Variants in FMN1 observed in about 807,000 individuals in gnomAD.
FMN1 encodes formin 1.
A neutral mutation model predicts 132.4 loss-of-function variants in FMN1; 110 were observed. The ratio of observed to expected loss-of-function variants is 0.83; its 90% CI spans 0.71 to 0.97. The LOEUF (loss-of-function observed/expected upper bound fraction) is 0.97, where lower values mean the gene tolerates loss of function less well. FMN1 is among the 50% of genes least tolerant of loss of function. The pLI is 0.00. For synonymous variants in FMN1, 722 were observed against 651.7 expected, an observed-to-expected ratio of 1.11 and a Z score of -1.64; for missense variants, 1,792 against 1,705.3, an observed-to-expected ratio of 1.05 and a Z score of -0.90.
Position 32,911,938 on chromosome 15 carries a change from C to T in FMN1, c.3227-1403G>A, listed in dbSNP as rs2060571314. On this transcript the variant is annotated intron_variant, in intron 10 of 20. Transcript: ENST00000616417. ...AGATCACATAAATCCACTAATTTGT[C>T]AGACACAACAGGCATTTTTAAATGT... 2.6e-5 allele frequency among the ~76,000 whole-genome samples: 4 copies of T among 152,162 alleles called. No individual in the cohort carries two copies. The South Asian group carries it at 8.3e-4, about 32-fold the overall frequency.
chr15:33,067,632 A>T (rs775360278), intron 5 of FMN1: 6 of 1,613,990 alleles, frequency 3.7e-6, no homozygotes, highest in Non-Finnish European at 5.1e-6. Context: ...GAAACCCGAG[A>T]CCCTGCTTCC....
intron 7 of FMN1, among the ~76,000 whole-genome samples, chr15:33,003,918 A>G (rs1375241131): frequency 6.6e-6 from 1 of 152,192 alleles, no homozygotes; most frequent in Non-Finnish European, 1.5e-5. Flanking sequence ...ATCTTTGACA[A>G]ACCTAACAAA....
rs181183952 is a variant in FMN1, at chr15:32,852,865, A to G, written c.3928+4150T>C. Among the ~76,000 whole-genome samples the G allele has an allele frequency of 4.3e-4, 65 of 152,312 alleles. No homozygotes were observed. In the East Asian group the frequency reaches 0.01, roughly 23 times the overall value. On this transcript the variant is annotated intron_variant, in intron 17 of 20. Coordinates refer to ENST00000616417, the MANE Select transcript of FMN1 (RefSeq NM_001277313.2). ...TCAGACAAAGTTCAGATTCTTTAGC[A>G]AGTCATATTGTGACTCTTATCACCG...
chr15:32,900,160 A>C, intron 13 of FMN1, 35 bp from the exon 14 acceptor site: 2 of 1,610,952 alleles, frequency 1.2e-6, no homozygotes, highest in Non-Finnish European at 8.5e-7. Flanking sequence ...ACGGAGCTGA[A>C]CTCCAAATGC....
chr15:32,977,473 G>GA (rs1435678501), intron 7 of FMN1, among the ~76,000 whole-genome samples: 4 of 152,172 alleles, frequency 2.6e-5, no homozygotes, highest in Non-Finnish European at 5.9e-5. Flanking sequence ...CTCTCAGGTG[G>GA]AAAAAGCATT....
At chr15:33,158,072 G>A (rs955486306) in intron 3 of FMN1, among the ~76,000 whole-genome samples, 5 of 151,590 alleles carry the variant, frequency 3.3e-5, no homozygotes, top group African/African-American at 1.2e-4. Flanking sequence ...ATCAGGTAAA[G>A]TGCTGCTCCC....
At chr15:32,910,667 T>C (rs2141665132) in intron 10 of FMN1, 132 bp from the exon 11 acceptor site, 1 of 689,564 alleles carries the variant, frequency 1.5e-6, no homozygotes, top group East Asian at 2.8e-5. Flanking sequence ...GCCTCTCTGC[T>C]CCCCTTCCTT....
chr15:32,791,881 G>A (rs1427231804), intron 19 of FMN1, among the ~76,000 whole-genome samples: 1 of 152,152 alleles, frequency 6.6e-6, no homozygotes, highest in South Asian at 2.1e-4. Context: ...TGCAGATGAA[G>A]GCTGGGTATA....
intron 17 of FMN1, among the ~76,000 whole-genome samples, chr15:32,805,458 TCA>T (rs1192764367): frequency 7.2e-5 from 11 of 152,350 alleles, no homozygotes; most frequent in Non-Finnish European, 1.0e-4. Context: ...GGTTGCCTGT[TCA>T]CTCTGATGAC....
intron 4 of FMN1, among the ~76,000 whole-genome samples, chr15:33,115,617 T>C (rs1390270201): frequency 1.4e-5 from 2 of 147,422 alleles, no homozygotes; most frequent in Admixed American, 6.8e-5. Flanking sequence ...CACAATACAC[T>C]GAGCACCTGA....
chr15:32,898,590 G>A (rs1276819181), intron 15 of FMN1, among the ~76,000 whole-genome samples: 1 of 152,124 alleles, frequency 6.6e-6, no homozygotes, highest in East Asian at 1.9e-4. Flanking sequence ...AGGCAGCTAG[G>A]GGTCTCTCTG....
At chr15:33,125,750 T>C (rs1962999182) in intron 4 of FMN1, among the ~76,000 whole-genome samples, 1 of 151,960 alleles carries the variant, frequency 6.6e-6, no homozygotes, top group African/African-American at 2.4e-5. Flanking sequence ...ATGGCCAACT[T>C]TGTATGGTGA....
At position 33,150,259 on chromosome 15, in the gene FMN1, C is replaced by T. The variant is rs186816618; in HGVS notation, c.1867+2789G>A. Reference sequence around the variant, plus strand: ...ACCAAGCTCCAAGGACACTGCTTTGCAGGCTAGCACAACTAGAGTTCCTCA... The same window carrying T: ...ACCAAGCTCCAAGGACACTGCTTTGTAGGCTAGCACAACTAGAGTTCCTCA... On this transcript the variant is annotated intron_variant, in intron 4 of 20. Coordinates refer to ENST00000616417, the MANE Select transcript of FMN1 (RefSeq NM_001277313.2). The T allele has an allele frequency of 1.5e-5, 15 of 985,462 alleles. No homozygotes were observed. The East Asian group carries it at 1.5e-3, about 97-fold the overall frequency. The allele number at this position is 985,462 out of a possible 1,614,324, so 61.0% of individuals were successfully genotyped here. A position where few individuals can be genotyped will look rare whatever the true frequency, so the allele number is the denominator to read the frequency against.
chr15:32,864,127 C>A (rs751410968), intron 16 of FMN1, among the ~76,000 whole-genome samples: 1 of 152,008 alleles, frequency 6.6e-6, no homozygotes, highest in Non-Finnish European at 1.5e-5. Context: ...TTTTATAAGG[C>A]CATATAGAAA....
chr15:32,948,643 T>G (rs773060388), intron 9 of FMN1, among the ~76,000 whole-genome samples: 4 of 152,074 alleles, frequency 2.6e-5, no homozygotes, highest in Non-Finnish European at 4.4e-5. Context: ...ATTATTTTCA[T>G]TTATTGGCAA....
chr15:32,808,482 C>T (rs1219152273), intron 17 of FMN1, among the ~76,000 whole-genome samples: 2 of 152,162 alleles, frequency 1.3e-5, no homozygotes, highest in African/African-American at 4.8e-5. Flanking sequence ...GGCTGTTTTG[C>T]CAGAGTTAAA....
At chr15:32,992,750 T>C (rs1017912699) in intron 7 of FMN1, among the ~76,000 whole-genome samples, 9 of 152,184 alleles carry the variant, frequency 5.9e-5, no homozygotes, top group Non-Finnish European at 2.9e-5. Context: ...ATAAAGGGTC[T>C]ATGAGGGAAT....
At chr15:32,883,509 C>CAAAAAAAAAAAAAAAAAAAAA (rs60737133) in intron 16 of FMN1, among the ~76,000 whole-genome samples, 2 of 25,910 alleles carry the variant, frequency 7.7e-5, no homozygotes, top group African/African-American at 1.3e-4. Context: ...GAACCTATCT[C>CAAAAAAAAAAAAAAAAAAAAA]AAAAAAAAAA....
intron 7 of FMN1, among the ~76,000 whole-genome samples, chr15:32,972,841 A>G (rs1237542535): frequency 6.6e-6 from 1 of 152,222 alleles, no homozygotes; most frequent in Non-Finnish European, 1.5e-5. Flanking sequence ...CAGCTGCCTC[A>G]GATCCAACAG....
Sources: allele counts gnomAD v4.1 joint callset (sites outside exome capture counted in the v4.1 genomes callset), GRCh38; gene constraint gnomAD v4.1.1; transcripts MANE v1.5; gene names NCBI Gene and HGNC (gene_info 2026-07-23, HGNC 2026-07-21).